Variants in CAP2 observed in about 807,000 individuals in gnomAD.
CAP2 encodes the protein adenylyl cyclase-associated protein 2.
In CAP2, 24 loss-of-function variants were observed where a neutral mutation model predicts 57.7. The ratio of observed to expected loss-of-function variants is 0.42; its 90% confidence interval spans 0.30 to 0.58. The LOEUF (loss-of-function observed/expected upper bound fraction) is 0.58. Ranked by LOEUF, CAP2 falls within the 20% of genes least tolerant of loss-of-function variation. CAP2 has a pLI of 0.22. For missense variants in CAP2, 501 were observed against 590.3 expected, an observed-to-expected ratio of 0.85 and a Z score of 1.57; for synonymous variants, 194 against 207.2, an observed-to-expected ratio of 0.94 and a Z score of 0.55.
chr6:17,531,839 C>T (rs1762649547), intron 7 of CAP2, among the ~76,000 whole-genome samples: 1 of 152,160 alleles, frequency 6.6e-6, no homozygotes, highest in African/African-American at 2.4e-5. Flanking sequence ...TCACTTCCAC[C>T]TTTGCACCCC....
chr6:17,500,455 G>A (rs371135171), intron 4 of CAP2, among the ~76,000 whole-genome samples: 3 of 142,672 alleles, frequency 2.1e-5, no homozygotes, highest in South Asian at 2.2e-4. Flanking sequence ...TGCAAGCTCC[G>A]CCTCCCGGGT....
chr6:17,408,017 T>C (rs1561772358), intron 1 of CAP2, among the ~76,000 whole-genome samples: 1 of 152,194 alleles, frequency 6.6e-6, no homozygotes, highest in South Asian at 2.1e-4. Flanking sequence ...GCTGAATCTT[T>C]TATTTAATTG....
In CAP2 at chr6:17,426,650, T is replaced by C; in HGVS notation, c.182T>C (p.Leu61Ser). 6.2e-7 allele frequency: 1 copy of C among 1,614,044 alleles called. No individual in the cohort carries two copies. The highest frequency in any genetic ancestry group is 1.1e-5 in the South Asian group (1 of 91,078). Residue 61 changes from leucine (L) to serine (S), a missense_variant, in exon 3 of 13, where the codon TTA becomes TCA. Leu to Ser is a moderately radical substitution (Grantham distance 145). Transcript: ENST00000229922. ...KLMDSMVAEFLKNSRILAGDV... is the reference protein window; with the variant it reads ...KLMDSMVAEFSKNSRILAGDV... ...ATGGACAGTATGGTGGCCGAGTTTT[T>C]AAAGAACAGTAGGATCCTTGCTGGG...
intron 8 of CAP2, among the ~76,000 whole-genome samples, chr6:17,540,617 G>C (rs1471608078): frequency 1.3e-5 from 2 of 152,226 alleles, no homozygotes; most frequent in African/African-American, 4.8e-5. Flanking sequence ...CTAAGCGTGT[G>C]GTGGTGCATG....
At chr6:17,441,208 T>C (rs989263401) in intron 3 of CAP2, among the ~76,000 whole-genome samples, 6 of 151,614 alleles carry the variant, frequency 4.0e-5, no homozygotes, top group South Asian at 2.1e-4. Flanking sequence ...TTTAGTTATA[T>C]CGAAGTGACC....
intron 4 of CAP2, among the ~76,000 whole-genome samples, chr6:17,486,835 G>A (rs1443954939): frequency 5.3e-5 from 8 of 152,232 alleles, no homozygotes; most frequent in South Asian, 4.1e-4. Context: ...CCCTCATTCC[G>A]TGTCCTGTGG....
intron 4 of CAP2, among the ~76,000 whole-genome samples, chr6:17,495,375 T>C (rs1407157777): frequency 6.6e-6 from 1 of 152,214 alleles, no homozygotes; most frequent in Non-Finnish European, 1.5e-5. Context: ...TGAGCACAAT[T>C]ATCTCATTTT....
intron 6 of CAP2, among the ~76,000 whole-genome samples, chr6:17,509,000 C>A (rs1762069319): frequency 6.6e-6 from 1 of 152,070 alleles, no homozygotes; most frequent in South Asian, 2.1e-4. Context: ...CGTGATCCGC[C>A]CACCTCAGCC....
chr6:17,399,743 A>C (rs1444061059), intron 1 of CAP2, among the ~76,000 whole-genome samples: 1 of 152,206 alleles, frequency 6.6e-6, no homozygotes, highest in Non-Finnish European at 1.5e-5. Context: ...AGCTTTTCAG[A>C]ATGTAAAGGC....
chr6:17,486,991 G>T (rs750065608), intron 4 of CAP2, among the ~76,000 whole-genome samples: 1 of 152,220 alleles, frequency 6.6e-6, no homozygotes, highest in African/African-American at 2.4e-5. Context: ...GCAGGAGGCA[G>T]TTGCAGTTTT....
At chr6:17,528,437 G>A (rs1581597569) in intron 7 of CAP2, among the ~76,000 whole-genome samples, 1 of 152,308 alleles carries the variant, frequency 6.6e-6, no homozygotes. Flanking sequence ...CTTCTCTAAA[G>A]CAACTTTGCT....
intron 3 of CAP2, among the ~76,000 whole-genome samples, chr6:17,428,229 G>T (rs576572507): frequency 5.8e-4 from 88 of 152,230 alleles, no homozygotes; most frequent in Middle Eastern, 3.4e-3. Context: ...AACTTTAAAG[G>T]TACCTAAGCT....
Position 17,547,567 on chromosome 6 carries a change from C to T in CAP2, c.1210-3897C>T, listed in dbSNP as rs149602480. On this transcript the variant is annotated intron_variant, in intron 11 of 12. Transcript: ENST00000229922. ...GCATTGAAAGTTCTAACTGACCGGG[C>T]ACGGTGGCTCACGCCTGTAATCCCA... Among the ~76,000 whole-genome samples the T allele has an allele frequency of 2.8e-3, 419 of 152,274 alleles. 5 individuals are homozygous for T. The highest frequency in any genetic ancestry group is 8.6e-3 in the African/African-American group (356 of 41,566).
chr6:17,529,952 G>A (rs535767879), intron 7 of CAP2, among the ~76,000 whole-genome samples: 15 of 151,564 alleles, frequency 9.9e-5, no homozygotes, highest in African/African-American at 2.9e-4. Flanking sequence ...CCAGGAGTTC[G>A]AGACCAGCTT....
chr6:17,521,837 G>A (rs752452828), intron 7 of CAP2, among the ~76,000 whole-genome samples: 6 of 151,986 alleles, frequency 3.9e-5, no homozygotes, highest in Non-Finnish European at 5.9e-5. Context: ...GATTGGGCGC[G>A]GTACCTCAAG....
At chr6:17,438,184 G>A (rs1759954072) in intron 3 of CAP2, among the ~76,000 whole-genome samples, 1 of 150,140 alleles carries the variant, frequency 6.7e-6, no homozygotes, top group Non-Finnish European at 1.5e-5. Context: ...TGGCCAACAT[G>A]GTGAAACCCC....
chr6:17,406,612 T>C (rs1758986353), intron 1 of CAP2, among the ~76,000 whole-genome samples: 1 of 151,958 alleles, frequency 6.6e-6, no homozygotes, highest in African/African-American at 2.4e-5. Context: ...CAGGTTGGTC[T>C]GGAACTCCTG....
chr6:17,554,478 G>A (rs939537030), intron 12 of CAP2, among the ~76,000 whole-genome samples: 1 of 152,212 alleles, frequency 6.6e-6, no homozygotes, highest in East Asian at 1.9e-4. Context: ...GGCTGGTCCC[G>A]AACTTCTGGG....
chr6:17,527,601 T>TTTC (rs1174262579), intron 7 of CAP2, among the ~76,000 whole-genome samples: 3 of 148,106 alleles, frequency 2.0e-5, no homozygotes, highest in East Asian at 3.9e-4. Flanking sequence ...CTCTTTCTTT[T>TTTC]TTTTTTTTTT....
Sources: gnomAD v4.1 joint callset for allele counts (sites outside exome capture counted in the v4.1 genomes callset) on GRCh38, gnomAD v4.1.1 for gene constraint, MANE v1.5 for transcripts, NCBI Gene and HGNC (gene_info 2026-07-23, HGNC 2026-07-21) for gene names.